Variants in ATP9B observed in about 807,000 individuals in gnomAD.
ATP9B encodes the protein probable phospholipid-transporting ATPase IIB.
ATP9B carries 110 observed loss-of-function variants against 146.1 expected under a neutral mutation model. The ratio of observed to expected loss-of-function variants is 0.75; its 90% CI spans 0.65 to 0.88. The LOEUF is 0.88. Ranked by LOEUF, ATP9B falls within the 40% of genes least tolerant of loss-of-function variation. The pLI is 0.00. For synonymous variants in ATP9B, 604 were observed against 569.7 expected (o/e 1.06, Z -0.86); for missense variants, 1,499 against 1,496.4 (o/e 1.00, Z -0.03).
At chr18:79,071,897 T>G (rs746268362) in intron 1 of ATP9B, among the ~76,000 whole-genome samples, 9,198 of 150,658 alleles carry the variant, frequency 0.061, 387 homozygotes, top group Non-Finnish European at 0.091. Context: ...TTGTTTTTTT[T>G]TTTTTTTTTG....
intron 11 of ATP9B, among the ~76,000 whole-genome samples, chr18:79,229,843 A>AC (rs2095772802): frequency 1.3e-5 from 2 of 152,230 alleles, no homozygotes; most frequent in Admixed American, 1.3e-4. Context: ...GGATTCTTGA[A>AC]CATTTTAAAG....
At chr18:79,282,860 C>A (rs1192781438) in intron 13 of ATP9B, among the ~76,000 whole-genome samples, 1 of 152,148 alleles carries the variant, frequency 6.6e-6, no homozygotes, top group Admixed American at 6.5e-5. Flanking sequence ...TGATGTTAGG[C>A]AAATCCTTTA....
chr18:79,139,402 C>T (rs1005960744), intron 5 of ATP9B, among the ~76,000 whole-genome samples: 3 of 152,344 alleles, frequency 2.0e-5, no homozygotes, highest in Admixed American at 6.5e-5. Context: ...TTTTATACCA[C>T]AAACACGTGA....
At position 79,149,405 on chromosome 18, in the gene ATP9B, C is replaced by T. The variant is rs140417326; in HGVS notation, c.727-5099C>T. Among the ~76,000 whole-genome samples the T allele has an allele frequency of 3.7e-3, 565 of 151,550 alleles. 4 individuals are homozygous for T. Among genetic ancestry groups the T allele is most frequent in the African/African-American group, 0.013 (520 of 41,274 alleles). ...GAGAAAAGGTAGCCTTCTCAAATGG[C>T]GCTGGGCATCCTGAGGTTTAAAAAA... On this transcript the variant is annotated intron_variant, in intron 6 of 29. Coordinates refer to ENST00000426216, the MANE Select transcript of ATP9B (RefSeq NM_198531.5).
At chr18:79,070,368 T>TA (rs1411201592) in intron 1 of ATP9B, among the ~76,000 whole-genome samples, 2 of 152,258 alleles carry the variant, frequency 1.3e-5, no homozygotes, top group African/African-American at 4.8e-5. Context: ...ACTGGAATGT[T>TA]ATAACGCTGA....
chr18:79,113,711 T>C (rs951328815), intron 4 of ATP9B, among the ~76,000 whole-genome samples: 7 of 152,198 alleles, frequency 4.6e-5, no homozygotes, highest in Admixed American at 2.0e-4. Context: ...GTTCTGTTAC[T>C]CTCTTCACAC....
At chr18:79,249,076 AT>A (rs1231353934) in intron 11 of ATP9B, among the ~76,000 whole-genome samples, 10 of 149,166 alleles carry the variant, frequency 6.7e-5, no homozygotes, top group Non-Finnish European at 8.9e-5. Context: ...CCGAGCATTC[AT>A]TTAAAAAAAA....
At chr18:79,200,823 C>T (rs189085320) in intron 9 of ATP9B, among the ~76,000 whole-genome samples, 3 of 476 alleles carry the variant, frequency 6.3e-3, no homozygotes, top group East Asian at 0.12. Flanking sequence ...TTGGGTGGGG[C>T]CCTGGATTTC....
Position 79,253,450 on chromosome 18 carries a change from A to G in ATP9B, c.1177A>G (p.Ile393Val), listed in dbSNP as rs758429339. The change falls in exon 12 of 30, where the codon ATT (isoleucine) becomes GTT (valine). Residue 393 changes from isoleucine to valine, a missense_variant. Ile to Val is a conservative substitution (Grantham distance 29). Coordinates refer to ENST00000426216, the MANE Select transcript of ATP9B (RefSeq NM_198531.5). ...ALFLALVALS[I>V]VMVTLQGFVG... ...ATTTTTGGCTTTAGTTGCTCTTTCC[A>G]TTGTTATGGTAACCTTACAAGGATT... The G allele has an allele frequency of 1.9e-6, 3 of 1,613,668 alleles. No homozygotes were observed. Among genetic ancestry groups the G allele is most frequent in the South Asian group, 1.1e-5 (1 of 90,912 alleles).
chr18:79,331,055 A>G (rs542462504), intron 17 of ATP9B, among the ~76,000 whole-genome samples: 14 of 152,248 alleles, frequency 9.2e-5, no homozygotes, highest in Non-Finnish European at 2.1e-4. Context: ...AGGTAGCCTC[A>G]TGAGATGATT....
At chr18:79,348,340 AT>A in intron 25 of ATP9B, 144 bp downstream of exon 25, 1 of 774,814 alleles carries the variant, frequency 1.3e-6, no homozygotes, top group Non-Finnish European at 2.1e-6. Flanking sequence ...TAAAAACAAC[AT>A]TTTACTTGGG....
chr18:79,166,537 G>T (rs1039532802), intron 7 of ATP9B, among the ~76,000 whole-genome samples: 4 of 152,130 alleles, frequency 2.6e-5, no homozygotes, highest in Non-Finnish European at 5.9e-5. Flanking sequence ...GATGGTTTTT[G>T]CCCAAGATGA....
intron 11 of ATP9B, among the ~76,000 whole-genome samples, chr18:79,221,360 C>G (rs2095675202): frequency 6.6e-6 from 1 of 152,168 alleles, no homozygotes; most frequent in Non-Finnish European, 1.5e-5. Flanking sequence ...TCCACAGATT[C>G]AGCTGATAAG....
intron 15 of ATP9B, among the ~76,000 whole-genome samples, chr18:79,311,997 C>T (rs1007424810): frequency 1.3e-5 from 2 of 152,200 alleles, no homozygotes; most frequent in African/African-American, 4.8e-5. Flanking sequence ...CTGTCAAACC[C>T]GTAATGCCTT....
intron 13 of ATP9B, among the ~76,000 whole-genome samples, chr18:79,302,293 G>A (rs1487071465): frequency 2.0e-5 from 3 of 152,086 alleles, no homozygotes; most frequent in African/African-American, 4.8e-5. Context: ...CACCCTCCCC[G>A]GGGACAAGGT....
At chr18:79,210,373 G>T (rs1335151933) in intron 10 of ATP9B, among the ~76,000 whole-genome samples, 1 of 152,154 alleles carries the variant, frequency 6.6e-6, no homozygotes, top group East Asian at 1.9e-4. Context: ...CCTGGGTGCG[G>T]GTCTCCTTGT....
chr18:79,278,299 G>A (rs1028096864), intron 13 of ATP9B, among the ~76,000 whole-genome samples: 3 of 152,166 alleles, frequency 2.0e-5, no homozygotes, highest in South Asian at 2.1e-4. Context: ...TGGTGCGGTA[G>A]CTTCACTCGA....
intron 1 of ATP9B, among the ~76,000 whole-genome samples, chr18:79,076,797 G>A (rs1254062276): frequency 6.6e-6 from 1 of 151,966 alleles, no homozygotes; most frequent in Non-Finnish European, 1.5e-5. Flanking sequence ...ATCTTTTCTT[G>A]TACCATAGGG....
At chr18:79,366,102 T>C (rs969054737) in intron 26 of ATP9B, among the ~76,000 whole-genome samples, 2 of 152,242 alleles carry the variant, frequency 1.3e-5, no homozygotes, top group Non-Finnish European at 2.9e-5. Context: ...AAAGCTGGTA[T>C]TGATTCTTTT....
Sources: gnomAD v4.1 joint callset for allele counts (sites outside exome capture counted in the v4.1 genomes callset) on GRCh38, gnomAD v4.1.1 for gene constraint, MANE v1.5 for transcripts, NCBI Gene and HGNC (gene_info 2026-07-23, HGNC 2026-07-21) for gene names.